RBFOX1: variants seen among roughly 807,000 people sequenced by gnomAD.
RBFOX1 encodes RNA binding protein fox-1 homolog 1.
In RBFOX1, 8 loss-of-function variants were observed where a neutral mutation model predicts 57.7. That is an observed-to-expected ratio of 0.14 (90% CI 0.08 to 0.25). The LOEUF (loss-of-function observed/expected upper bound fraction) is 0.25, where lower values mean the gene tolerates loss of function less well. Ranked by LOEUF, RBFOX1 falls within the 10% of genes least tolerant of loss-of-function variation. RBFOX1 has a pLI of 1.00. For synonymous variants in RBFOX1, 326 were observed against 222.4 expected, an observed-to-expected ratio of 1.47 and a Z score of -4.15; for missense variants, 611 against 548.5, an observed-to-expected ratio of 1.11 and a Z score of -1.14.
chr16:5,311,451 A>C (rs894031177), intron 1 of RBFOX1, among the ~76,000 whole-genome samples: 1 of 152,130 alleles, frequency 6.6e-6, no homozygotes, highest in Non-Finnish European at 1.5e-5. Flanking sequence ...ATAGATCTAC[A>C]TTTAGTTCTT....
intron 4 of RBFOX1, among the ~76,000 whole-genome samples, chr16:7,451,778 G>T (rs957934162): frequency 6.8e-6 from 1 of 146,906 alleles, no homozygotes; most frequent in Non-Finnish European, 1.5e-5. Flanking sequence ...GACCAAATTT[G>T]TGTCAGCTTC....
chr16:7,046,515 A>G (rs1359105089), intron 3 of RBFOX1, among the ~76,000 whole-genome samples: 2 of 149,438 alleles, frequency 1.3e-5, no homozygotes, highest in Non-Finnish European at 3.0e-5. Context: ...TGTAATTTTT[A>G]TTTTTTAATT....
At chr16:6,164,125 C>A (rs1213174758) in intron 1 of RBFOX1, among the ~76,000 whole-genome samples, 1 of 152,154 alleles carries the variant, frequency 6.6e-6, no homozygotes, top group African/African-American at 2.4e-5. Flanking sequence ...GTTTTATATT[C>A]TGTGACCATA....
intron 1 of RBFOX1, among the ~76,000 whole-genome samples, chr16:6,117,879 C>T (rs565516684): frequency 4.3e-4 from 66 of 152,252 alleles, no homozygotes; most frequent in African/African-American, 1.6e-3. Flanking sequence ...AGTTTCCTTC[C>T]CACCACCATG....
At position 6,046,543 on chromosome 16, in the gene RBFOX1, A is replaced by G. The variant is rs1357233713; in HGVS notation, c.-127+26551A>G. Among the ~76,000 whole-genome samples, 3 of 152,162 alleles carry G rather than the reference A, an allele frequency of 2.0e-5. No individual in the cohort carries two copies. The East Asian group carries it at 5.8e-4, about 29-fold the overall frequency. On this transcript the variant is annotated intron_variant, in intron 1 of 15. Coordinates refer to ENST00000550418, the MANE Select transcript of RBFOX1 (RefSeq NM_018723.4). ...AAGTAGGATTTGAGGGGCTATTCCT[A>G]TATTCATATTAAACATTACCGTATT...
chr16:5,242,927 C>T (rs1368726363), intron 1 of RBFOX1, among the ~76,000 whole-genome samples: 1 of 148,614 alleles, frequency 6.7e-6, no homozygotes, highest in Non-Finnish European at 1.5e-5. Context: ...ATCGGGCCCC[C>T]AGGAGCCCCT....
intron 3 of RBFOX1, among the ~76,000 whole-genome samples, chr16:6,670,556 A>C (rs1433123121): frequency 6.6e-6 from 1 of 152,208 alleles, no homozygotes; most frequent in Non-Finnish European, 1.5e-5. Context: ...AAGTAGACTT[A>C]AACACCCGGT....
intron 3 of RBFOX1, among the ~76,000 whole-genome samples, chr16:6,756,493 C>T (rs575184485): frequency 6.6e-6 from 1 of 152,088 alleles, no homozygotes; most frequent in Non-Finnish European, 1.5e-5. Context: ...ACAGCTTTGG[C>T]ACAACAAAGG....
intron 3 of RBFOX1, among the ~76,000 whole-genome samples, chr16:6,765,092 C>G (rs2077146760): frequency 1.3e-5 from 2 of 151,996 alleles, no homozygotes; most frequent in South Asian, 2.1e-4. Flanking sequence ...GCGAGGGAAT[C>G]TGGGGAAGCG....
chr16:5,786,007 C>G (rs1378137237), intron 3 of RBFOX1, among the ~76,000 whole-genome samples: 1 of 152,164 alleles, frequency 6.6e-6, no homozygotes, highest in South Asian at 2.1e-4. Flanking sequence ...TCCATTGGAC[C>G]ACCAGAGCTT....
At chr16:7,145,033 G>A (rs993744510) in intron 4 of RBFOX1, among the ~76,000 whole-genome samples, 6 of 152,194 alleles carry the variant, frequency 3.9e-5, no homozygotes, top group East Asian at 1.9e-4. Context: ...TTTGTTCTGG[G>A]CAAATCCTAG....
rs537076580 is a variant in RBFOX1, at chr16:7,055,204, G to A, written c.27+3106G>A. On this transcript the variant is annotated intron_variant, in intron 4 of 15. Transcript: ENST00000550418. ...AATTTGCAAAAATGAAATACAAAGAGTTGGATATAATATACAACGTTTTTC... is the reference window on the plus strand; with the variant it reads ...AATTTGCAAAAATGAAATACAAAGAATTGGATATAATATACAACGTTTTTC... Among the ~76,000 whole-genome samples the A allele has an allele frequency of 2.0e-5, 3 of 152,230 alleles. No individual in the cohort carries two copies. The East Asian group carries it at 5.8e-4, about 29-fold the overall frequency.
intron 3 of RBFOX1, among the ~76,000 whole-genome samples, chr16:6,733,711 T>C (rs115561910): frequency 0.04 from 6,081 of 151,972 alleles, 338 homozygotes; most frequent in Admixed American, 0.12. Context: ...TGAACTGAGA[T>C]CACACCACTG....
chr16:6,886,269 C>T (rs1453071332), intron 3 of RBFOX1, among the ~76,000 whole-genome samples: 1 of 151,658 alleles, frequency 6.6e-6, no homozygotes, highest in East Asian at 2.0e-4. Context: ...ACCATGTTGG[C>T]CAGGATAGTC....
At chr16:7,374,062 C>G (rs1308758748) in intron 4 of RBFOX1, among the ~76,000 whole-genome samples, 1 of 152,250 alleles carries the variant, frequency 6.6e-6, no homozygotes, top group South Asian at 2.1e-4. Flanking sequence ...CATGGAGAGG[C>G]AGATAGACCC....
At chr16:6,613,672 T>C (rs770050821) in intron 2 of RBFOX1, among the ~76,000 whole-genome samples, 1 of 152,204 alleles carries the variant, frequency 6.6e-6, no homozygotes, top group Non-Finnish European at 1.5e-5. Flanking sequence ...TAGTGTGTTA[T>C]CTCATTTTTT....
rs1250676905 is a variant in RBFOX1, at chr16:6,034,973, T to C, written c.-127+14981T>C. ...GGTGGGTTTTAAGCAGCAGAGAGCA[T>C]ACTATTGAGTTACAATGAGTTTAAT... is the stretch of plus-strand genomic sequence containing the variant. On this transcript the variant is annotated intron_variant, in intron 1 of 15. Transcript: ENST00000550418. Among the ~76,000 whole-genome samples the C allele has an allele frequency of 2.0e-5, 3 of 151,814 alleles. No homozygotes were observed. In the East Asian group the frequency reaches 5.8e-4, roughly 29 times the overall value.
chr16:7,065,951 A>G (rs964172763), intron 4 of RBFOX1, among the ~76,000 whole-genome samples: 17 of 152,180 alleles, frequency 1.1e-4, no homozygotes, highest in African/African-American at 4.1e-4. Flanking sequence ...CCCCCACAGT[A>G]ACTTGTGTAA....
intron 12 of RBFOX1, among the ~76,000 whole-genome samples, chr16:7,656,604 C>G (rs1473838638): frequency 6.6e-6 from 1 of 152,218 alleles, no homozygotes; most frequent in African/African-American, 2.4e-5. Flanking sequence ...CCTTTTATCT[C>G]TAAATTCCTT....
Sources: allele counts gnomAD v4.1 joint callset (sites outside exome capture counted in the v4.1 genomes callset), GRCh38; gene constraint gnomAD v4.1.1; transcripts MANE v1.5; gene names NCBI Gene and HGNC (gene_info 2026-07-23, HGNC 2026-07-21).